HERPUD2: variants seen among roughly 807,000 people sequenced by gnomAD.
The protein encoded by HERPUD2 is HERPUD family member 2, also known as homocysteine-responsive endoplasmic reticulum-resident ubiquitin-like domain member 2 protein.
In HERPUD2, 13 loss-of-function variants were observed where a neutral mutation model predicts 49.9. That is an observed-to-expected ratio of 0.26 (90% CI 0.17 to 0.41). HERPUD2 has a LOEUF of 0.41. Ranked by LOEUF, HERPUD2 falls within the 10% of genes least tolerant of loss-of-function variation. The probability of loss-of-function intolerance (pLI) is 1.00; values close to 1 mark genes in which losing one functional copy is unlikely to be tolerated. For synonymous variants in HERPUD2, 172 were observed against 171.4 expected (o/e 1.00, Z -0.03); for missense variants, 449 against 492.2 (o/e 0.91, Z 0.83).
At chr7:35,686,709 A>G (rs1163885381) in intron 2 of HERPUD2, among the ~76,000 whole-genome samples, 4,027 of 44,030 alleles carry the variant, frequency 0.091, 256 homozygotes, top group East Asian at 0.14. Flanking sequence ...ACAGAACGAC[A>G]CTCCGTCTCA....
Position 35,633,642 on chromosome 7 carries a change from C to A in HERPUD2, c.*48G>T. The A allele has an allele frequency of 1.3e-6, 2 of 1,552,868 alleles. No homozygotes were observed. The highest frequency in any genetic ancestry group is 1.2e-5 in the South Asian group (1 of 83,440). On this transcript the variant is annotated 3_prime_UTR_variant, in exon 9 of 9. Coordinates refer to ENST00000311350, the MANE Select transcript of HERPUD2 (RefSeq NM_022373.5). ...TTTGAAATTGCACTGTTATTTAAAC[C>A]ACTTTCCTGAAGTCAGACCCTCCTT...
chr7:35,635,583 C>CA lies in HERPUD2; in HGVS notation c.618-126dup, dbSNP rs1398712928. The CA allele has an allele frequency of 6.6e-6, 5 of 758,054 alleles. No homozygotes were observed. In the East Asian group the frequency reaches 1.3e-4, roughly 20 times the overall value. 47.0% of individuals were successfully genotyped at this position (758,054 alleles called of 1,614,324 possible). Reference sequence around the variant, plus strand: ...CTAATATGGAATATCCCAACTCCTGCACCACATTTCTTAGGTAAGCACAAA... The same window carrying CA: ...CTAATATGGAATATCCCAACTCCTGCAACCACATTTCTTAGGTAAGCACAAA... On this transcript the variant is annotated intron_variant, in intron 6 of 8. Coordinates refer to ENST00000311350, the MANE Select transcript of HERPUD2 (RefSeq NM_022373.5).
intron 2 of HERPUD2, among the ~76,000 whole-genome samples, chr7:35,678,626 T>C (rs1229528284): frequency 6.6e-6 from 1 of 152,198 alleles, no homozygotes; most frequent in East Asian, 1.9e-4. Flanking sequence ...AAATGACATT[T>C]ATAAATCACA....
Position 35,635,329 on chromosome 7 carries a change from T to G in HERPUD2, c.747A>C (p.Glu249Asp). Residue 249 changes from glutamate to aspartate, a missense_variant, in exon 7 of 9, where the codon GAA (glutamate) becomes GAC (aspartate). By Grantham distance (45) the Glu-to-Asp change is conservative. Transcript: ENST00000311350. ...GAACATTCTCATTCATGGGTCGATT[T>G]TCTTGGGCCACTAGGTTTGGAGCTG... ...PPPAPNLVAQENRPMNENVQM... is the reference protein window; with the variant it reads ...PPPAPNLVAQDNRPMNENVQM... The G allele has an allele frequency of 6.2e-7, 1 of 1,614,156 alleles. No homozygotes were observed. Among genetic ancestry groups the G allele is most frequent in the Non-Finnish European group, 8.5e-7 (1 of 1,180,028 alleles).
At chr7:35,634,218 T>G in intron 8 of HERPUD2, 94 bp downstream of exon 8, 1 of 801,298 alleles carries the variant, frequency 1.2e-6, no homozygotes, top group Non-Finnish European at 2.1e-6. Flanking sequence ...TCACAAATAC[T>G]TATGGAACAT....
chr7:35,636,748 C>A (rs1562666640), intron 6 of HERPUD2, among the ~76,000 whole-genome samples: 1 of 152,082 alleles, frequency 6.6e-6, no homozygotes, highest in Non-Finnish European at 1.5e-5. Context: ...GGAGGAAGGA[C>A]AAGGATGTAG....
chr7:35,688,979 A>G (rs1483344424), intron 2 of HERPUD2, among the ~76,000 whole-genome samples: 1 of 152,214 alleles, frequency 6.6e-6, no homozygotes, highest in Non-Finnish European at 1.5e-5. Flanking sequence ...AAGCATATCA[A>G]ATGCTTATTA....
At chr7:35,682,149 C>G (rs1484974532) in intron 2 of HERPUD2, among the ~76,000 whole-genome samples, 12 of 151,748 alleles carry the variant, frequency 7.9e-5, no homozygotes, top group Middle Eastern at 3.4e-3. Flanking sequence ...AGTGATCCTC[C>G]CACCCCAGCC....
At position 35,692,136 on chromosome 7, in the gene HERPUD2, G is replaced by A. The variant is rs1452445992; in HGVS notation, c.147+2048C>T. ...GTCTCCAGTGTGGCTACAGGAGGCA[G>A]GCAGTTTGGGAAGGAGTTCTGTAAC... is the stretch of plus-strand genomic sequence containing the variant. On this transcript the variant is annotated intron_variant, in intron 2 of 8. Transcript: ENST00000311350. 4.6e-5 allele frequency among the ~76,000 whole-genome samples: 7 copies of A among 152,220 alleles called. 1 individual carries two copies. The highest frequency in any genetic ancestry group is 4.6e-4 in the Admixed American group (7 of 15,282).
At chr7:35,634,483 A>G in intron 7 of HERPUD2, 54 bp from the exon 8 acceptor site, 1 of 1,089,404 alleles carries the variant, frequency 9.2e-7, no homozygotes, top group East Asian at 2.4e-5. Context: ...TTTTATTTGT[A>G]ACACTATAAA....
At chr7:35,654,261 T>C (rs1257809173) in intron 5 of HERPUD2, among the ~76,000 whole-genome samples, 2 of 148,030 alleles carry the variant, frequency 1.4e-5, no homozygotes, top group Non-Finnish European at 3.0e-5. Context: ...ATCAACAAAA[T>C]AAAAACTTGG....
chr7:35,654,972 A>T (rs886088080), intron 5 of HERPUD2, among the ~76,000 whole-genome samples: 1 of 152,170 alleles, frequency 6.6e-6, no homozygotes, highest in African/African-American at 2.4e-5. Context: ...CTCCTGCCTC[A>T]GCCTCCAGAG....
At chr7:35,668,069 GCTAGAAATC>G (rs67809240) in intron 4 of HERPUD2, among the ~76,000 whole-genome samples, 59,457 of 151,498 alleles carry the variant, frequency 0.39, 12,036 homozygotes, top group South Asian at 0.55. Context: ...TGAGAAACAG[GCTAGAAATC>G]CTAGAAATCA....
chr7:35,687,699 G>A (rs1484983503), intron 2 of HERPUD2, among the ~76,000 whole-genome samples: 1 of 152,184 alleles, frequency 6.6e-6, no homozygotes, highest in Non-Finnish European at 1.5e-5. Flanking sequence ...TTATGTATAT[G>A]CCATTATTGA....
chr7:35,662,978 A>G (rs1170364181), intron 5 of HERPUD2, among the ~76,000 whole-genome samples: 1 of 151,968 alleles, frequency 6.6e-6, no homozygotes, highest in Admixed American at 6.6e-5. Context: ...TCAATTTTAG[A>G]TCTCTCCTGC....
At chr7:35,670,525 T>G (rs2078134335) in intron 3 of HERPUD2, among the ~76,000 whole-genome samples, 197 bp from the exon 4 acceptor site, 1 of 152,012 alleles carries the variant, frequency 6.6e-6, no homozygotes, top group Non-Finnish European at 1.5e-5. Flanking sequence ...TTCTCCATAC[T>G]TGGAAAATGA....
At chr7:35,685,734 T>C (rs996999098) in intron 2 of HERPUD2, among the ~76,000 whole-genome samples, 1 of 151,940 alleles carries the variant, frequency 6.6e-6, no homozygotes, top group African/African-American at 2.4e-5. Flanking sequence ...TCCCAGCACT[T>C]TGGGAGGCCC....
chr7:35,691,994 T>C (rs1250903851), intron 2 of HERPUD2, among the ~76,000 whole-genome samples: 1 of 152,160 alleles, frequency 6.6e-6, no homozygotes, highest in Admixed American at 6.5e-5. Flanking sequence ...CCACTCAACC[T>C]AGAAATGAAA....
chr7:35,691,412 C>T (rs1786184244), intron 2 of HERPUD2, among the ~76,000 whole-genome samples: 1 of 152,116 alleles, frequency 6.6e-6, no homozygotes, highest in African/African-American at 2.4e-5. Context: ...TCTTTCCCCT[C>T]TAGCAGCACC....
Sources: allele counts gnomAD v4.1 joint callset (sites outside exome capture counted in the v4.1 genomes callset), GRCh38; gene constraint gnomAD v4.1.1; transcripts MANE v1.5; gene names NCBI Gene and HGNC (gene_info 2026-07-23, HGNC 2026-07-21).